WWOX: variants seen among roughly 807,000 people sequenced by gnomAD.
WWOX encodes the protein WW domain-containing oxidoreductase.
WWOX carries 69 observed loss-of-function variants against 46.2 expected under a neutral mutation model. The observed-to-expected ratio is 1.49, with a 90% CI of 1.23 to 1.82. The LOEUF is 1.82. Ranked by LOEUF, WWOX falls within the 40% of genes most tolerant of loss-of-function variation. WWOX has a pLI of 0.00. For synonymous variants in WWOX, 359 were observed against 202.6 expected (o/e 1.77, Z -6.56); for missense variants, 919 against 542.6 (o/e 1.69, Z -6.89).
intron 5 of WWOX, among the ~76,000 whole-genome samples, chr16:78,378,796 C>A (rs72796055): frequency 0.05 from 7,623 of 151,874 alleles, 296 homozygotes; most frequent in South Asian, 0.17. Flanking sequence ...AGATTATTGC[C>A]GTGCTTACAT....
intron 5 of WWOX, among the ~76,000 whole-genome samples, chr16:78,271,242 G>A (rs2079472439): frequency 6.6e-6 from 1 of 152,094 alleles, no homozygotes; most frequent in Non-Finnish European, 1.5e-5. Flanking sequence ...TCGTCCACCT[G>A]AGTTTCAAAT....
At chr16:78,686,348 A>G (rs1043544932) in intron 8 of WWOX, among the ~76,000 whole-genome samples, 5 of 151,826 alleles carry the variant, frequency 3.3e-5, no homozygotes, top group African/African-American at 1.2e-4. Context: ...CGCCTCTACT[A>G]AAAATACAAA....
chr16:78,391,047 A>G (rs949557953), intron 6 of WWOX, among the ~76,000 whole-genome samples: 1 of 152,170 alleles, frequency 6.6e-6, no homozygotes, highest in African/African-American at 2.4e-5. Context: ...GTAGTCTTAG[A>G]GCAGAAAAGG....
chr16:78,745,811 G>T (rs974157607), intron 8 of WWOX, among the ~76,000 whole-genome samples: 1 of 151,534 alleles, frequency 6.6e-6, no homozygotes, highest in Non-Finnish European at 1.5e-5. Flanking sequence ...AGGGTGGGTG[G>T]GTAGAGGGCT....
At chr16:78,602,760 G>A (rs955554261) in intron 8 of WWOX, among the ~76,000 whole-genome samples, 1 of 152,158 alleles carries the variant, frequency 6.6e-6, no homozygotes, top group Non-Finnish European at 1.5e-5. Context: ...GCACAAAATG[G>A]TTTACATGGT....
At chr16:78,521,675 T>G (rs2043351069) in intron 8 of WWOX, among the ~76,000 whole-genome samples, 3 of 152,216 alleles carry the variant, frequency 2.0e-5, no homozygotes, top group Non-Finnish European at 2.9e-5. Context: ...AGTTCACAGG[T>G]GTTATCAAGA....
At chr16:78,776,335 C>T (rs943584082) in intron 8 of WWOX, among the ~76,000 whole-genome samples, 2 of 152,034 alleles carry the variant, frequency 1.3e-5, no homozygotes, top group African/African-American at 4.8e-5. Context: ...ACCTTGGCAT[C>T]TCGTGCGAAG....
chr16:78,408,843 C>T (rs2082607593), intron 6 of WWOX, among the ~76,000 whole-genome samples: 1 of 152,130 alleles, frequency 6.6e-6, no homozygotes, highest in Admixed American at 6.5e-5. Context: ...GTGAGGGATT[C>T]TGTGAGCCCC....
intron 8 of WWOX, among the ~76,000 whole-genome samples, chr16:79,161,842 G>T (rs896325543): frequency 1.3e-5 from 2 of 152,178 alleles, no homozygotes; most frequent in African/African-American, 4.8e-5. Flanking sequence ...TTTAAGAAAT[G>T]CTTTTTCTGT....
intron 2 of WWOX, 55 bp from the exon 3 acceptor site, chr16:78,109,723 G>C: frequency 6.2e-7 from 1 of 1,600,330 alleles, no homozygotes; most frequent in Non-Finnish European, 8.6e-7. Context: ...TCCTGACCCA[G>C]GGATGGTCTT....
At chr16:78,099,968 C>T (rs1447727057) in intron 1 of WWOX, 83 bp downstream of exon 1, 4 of 1,520,586 alleles carry the variant, frequency 2.6e-6, no homozygotes, top group Non-Finnish European at 1.8e-6. Context: ...AGGACGCGCA[C>T]TCCAGCGCAG....
At chr16:78,235,304 G>A (rs1225493167) in intron 5 of WWOX, among the ~76,000 whole-genome samples, 1 of 152,150 alleles carries the variant, frequency 6.6e-6, no homozygotes, top group Non-Finnish European at 1.5e-5. Context: ...CTTTTGGAGA[G>A]GATGTGTCAC....
At chr16:78,351,971 C>G (rs1011732335) in intron 5 of WWOX, among the ~76,000 whole-genome samples, 6 of 152,130 alleles carry the variant, frequency 3.9e-5, no homozygotes, top group Admixed American at 6.5e-5. Flanking sequence ...GTTTGTTTTT[C>G]TTCAAACCTA....
intron 8 of WWOX, among the ~76,000 whole-genome samples, chr16:79,104,965 C>T (rs1399424342): frequency 6.6e-6 from 1 of 152,158 alleles, no homozygotes; most frequent in Non-Finnish European, 1.5e-5. Context: ...GGGGAGGGTG[C>T]ACCTGTCCGC....
intron 8 of WWOX, among the ~76,000 whole-genome samples, chr16:78,656,858 A>C (rs2047092686): frequency 6.6e-6 from 1 of 152,174 alleles, no homozygotes; most frequent in Non-Finnish European, 1.5e-5. Context: ...CATGGGAAAC[A>C]GGAAGACATT....
intron 8 of WWOX, among the ~76,000 whole-genome samples, chr16:79,120,411 C>G (rs894647776): frequency 2.6e-5 from 4 of 152,180 alleles, no homozygotes; most frequent in Non-Finnish European, 2.9e-5. Flanking sequence ...CCTTTCTGCA[C>G]TTCCACAGTA....
At chr16:78,448,016 C>G (rs372054055) in intron 8 of WWOX, among the ~76,000 whole-genome samples, 2 of 152,224 alleles carry the variant, frequency 1.3e-5, no homozygotes, top group Admixed American at 6.5e-5. Context: ...ACTGGCCCAG[C>G]TGGTCTTGAA....
At chr16:78,525,433 C>A (rs1281260627) in intron 8 of WWOX, 1 of 152,148 alleles carries the variant, frequency 6.6e-6, no homozygotes, top group Non-Finnish European at 1.5e-5. Context: ...GATCCACCAG[C>A]CTTGGCCTCC....
intron 5 of WWOX, among the ~76,000 whole-genome samples, chr16:78,277,736 G>A (rs4462603): frequency 6.6e-6 from 1 of 152,002 alleles, no homozygotes; most frequent in Admixed American, 6.6e-5. Context: ...CTTGGGACTC[G>A]GCCAGTGGTC....
Sources: gnomAD v4.1 joint callset for allele counts (sites outside exome capture counted in the v4.1 genomes callset) on GRCh38, gnomAD v4.1.1 for gene constraint, MANE v1.5 for transcripts, NCBI Gene and HGNC (gene_info 2026-07-23, HGNC 2026-07-21) for gene names.